DECR2: variants seen among roughly 807,000 people sequenced by gnomAD.
The protein encoded by DECR2 is 2,4-dienoyl-CoA reductase 2.
DECR2 carries 34 observed loss-of-function variants against 29.2 expected under a neutral mutation model. The observed-to-expected ratio is 1.16, with a 90% confidence interval of 0.89 to 1.55. The LOEUF is 1.55. Ranked by LOEUF, DECR2 falls within the 40% of genes most tolerant of loss-of-function variation. The probability of loss-of-function intolerance (pLI) is 0.00; values close to 1 mark genes in which losing one functional copy is unlikely to be tolerated. For missense variants in DECR2, 485 were observed against 425.3 expected (o/e 1.14, Z -1.23); for synonymous variants, 224 against 182.7 (o/e 1.23, Z -1.82).
At chr16:408,002 T>C (rs71382274) in intron 4 of DECR2, among the ~76,000 whole-genome samples, 1,521 of 6,720 alleles carry the variant, frequency 0.23, 630 homozygotes, top group South Asian at 0.42. Flanking sequence ...TCTCCGGGCC[T>C]CTGTCTCCGG....
At chr16:407,736 C>G (rs563942688) in intron 4 of DECR2, among the ~76,000 whole-genome samples, 176 bp downstream of exon 4, 1 of 150,722 alleles carries the variant, frequency 6.6e-6, no homozygotes, top group East Asian at 2.0e-4. Flanking sequence ...GGCCCCCTGT[C>G]TCCGGCCCCA....
chr16:411,115 C>T, intron 7 of DECR2, 39 bp downstream of exon 7: 1 of 1,460,688 alleles, frequency 6.8e-7, no homozygotes, highest in Non-Finnish European at 9.0e-7. Flanking sequence ...CACAGATCCT[C>T]TCCTGGGGCA....
intron 1 of DECR2, among the ~76,000 whole-genome samples, chr16:402,719 C>T (rs575276716): frequency 1.3e-5 from 2 of 151,896 alleles, no homozygotes; most frequent in South Asian, 2.1e-4. Flanking sequence ...AGCAGTGGCT[C>T]ACGCCTGTAA....
rs3743890 is a variant in DECR2 at position 406,416 on chromosome 16, T to G, written c.201+19T>G. ...GCTGACGGTGAGAGGGCCTCTCCCA[T>G]GGTCCCCTGTTCGGGTGGCTGTGGG... is the stretch of plus-strand genomic sequence containing the variant. On this transcript the variant is annotated intron_variant, in intron 3 of 8. Transcript: ENST00000219481. 769,689 of 1,605,122 alleles carry G rather than the reference T, an allele frequency of 0.48. 188,388 individuals carry two copies. Among genetic ancestry groups the G allele is most frequent in the Middle Eastern group, 0.58 (3,509 of 6,034 alleles).
Position 401,954 on chromosome 16 carries a change from C to A in DECR2, c.-10C>A, listed in dbSNP as rs768136109. On this transcript the variant is annotated 5_prime_UTR_variant, in exon 1 of 9. Coordinates refer to ENST00000219481, the MANE Select transcript of DECR2 (RefSeq NM_020664.4). ...CGCCCGTTGTCCCCGCAGTCCCCGACGGGAGCGCCATGGCCCAGCCGCCGC... is the reference window on the plus strand; with the variant it reads ...CGCCCGTTGTCCCCGCAGTCCCCGAAGGGAGCGCCATGGCCCAGCCGCCGC... 1.3e-6 allele frequency: 2 copies of A among 1,483,020 alleles called. No homozygotes were observed. Among genetic ancestry groups the A allele is most frequent in the Non-Finnish European group, 1.8e-6 (2 of 1,124,004 alleles). The allele number at this position is 1,483,020 out of a possible 1,614,324, so 91.9% of individuals were successfully genotyped here.
Position 410,261 on chromosome 16 carries a change from T to A in DECR2, c.356T>A (p.Leu119Gln), listed in dbSNP as rs772183628. ...TCTGCAGGTGCGGCCGGGAACTTCC[T>A]GTGCCCCGCTGGCGCCTTGTCCTTC... ...ILINCAAGNF[L>Q]CPAGALSFNA... The change falls in exon 5 of 9, where the codon CTG becomes CAG. Residue 119 changes from leucine to glutamine, a missense_variant. By Grantham distance (113) the Leu-to-Gln change is moderately radical. Coordinates refer to ENST00000219481, the MANE Select transcript of DECR2 (RefSeq NM_020664.4). The surrounding 1 kb of genome is among the most constrained non-coding windows in gnomAD (Gnocchi z 4.1). 6.2e-7 allele frequency: 1 copy of A among 1,613,424 alleles called. No homozygotes were observed. The highest frequency in any genetic ancestry group is 8.5e-7 in the Non-Finnish European group (1 of 1,179,772).
chr16:410,918 G>A lies in DECR2; in HGVS notation c.557-54G>A. 6.5e-7 allele frequency: 1 copy of A among 1,542,874 alleles called. No individual in the cohort carries two copies. Among genetic ancestry groups the A allele is most frequent in the Non-Finnish European group, 8.8e-7 (1 of 1,140,448 alleles). ...GGCAGCGAGACCTGGCCTTGGCCCTGCGCCCTCGCAGAGGGCAGAGCGGCC... is the reference window on the plus strand; with the variant it reads ...GGCAGCGAGACCTGGCCTTGGCCCTACGCCCTCGCAGAGGGCAGAGCGGCC... On this transcript the variant is annotated intron_variant, in intron 6 of 8. Transcript: ENST00000219481. This position sits in a 1 kb window ranked among gnomAD's most constrained non-coding sequence, Gnocchi z 4.1.
chr16:407,082 G>A lies in DECR2; in HGVS notation c.202-343G>A, dbSNP rs958317732. The A allele has an allele frequency of 6.4e-6, 7 of 1,099,802 alleles. No homozygotes were observed. In the African/African-American group the frequency reaches 1.1e-4, roughly 18 times the overall value. 68.1% of individuals were successfully genotyped at this position (1,099,802 alleles called of 1,614,324 possible). ...CTGGGCTCACCTGGGTTATTTAGGT[G>A]GTCCGTGCGTCCCACCTACTGGAGC... On this transcript the variant is annotated intron_variant, in intron 3 of 8. Coordinates refer to ENST00000219481, the MANE Select transcript of DECR2 (RefSeq NM_020664.4).
At position 410,335 on chromosome 16, in the gene DECR2, G is replaced by C; in HGVS notation, c.430G>C (p.Val144Leu). 1 of 1,612,724 alleles carries C rather than the reference G, an allele frequency of 6.2e-7. No individual in the cohort carries two copies. Among genetic ancestry groups the C allele is most frequent in the Non-Finnish European group, 8.5e-7 (1 of 1,179,330 alleles). Residue 144 changes from valine to leucine, a missense_variant, in exon 5 of 9, where the codon GTG becomes CTG. By Grantham distance (32) the Val-to-Leu change is conservative. Coordinates refer to ENST00000219481, the MANE Select transcript of DECR2 (RefSeq NM_020664.4). This position sits in a 1 kb window ranked among gnomAD's most constrained non-coding sequence, Gnocchi z 4.1. ...MDIDTSGTFN[V>L]SRVLYEKFFR... ...CATCGATACCAGCGGCACCTTCAAT[G>C]TGTCTCGTGTGCTCTATGAGAAGTT...
At position 410,615 on chromosome 16, in the gene DECR2, G is replaced by C; in HGVS notation, c.463-76G>C. The C allele has an allele frequency of 3.5e-6, 5 of 1,443,606 alleles. No homozygotes were observed. The highest frequency in any genetic ancestry group is 4.7e-6 in the Non-Finnish European group (5 of 1,052,970). 89.4% of individuals were successfully genotyped at this position (1,443,606 alleles called of 1,614,324 possible). On this transcript the variant is annotated intron_variant, in intron 5 of 8. Coordinates refer to ENST00000219481, the MANE Select transcript of DECR2 (RefSeq NM_020664.4). The surrounding 1 kb of genome is among the most constrained non-coding windows in gnomAD (Gnocchi z 4.1). Reference sequence around the variant, plus strand: ...CGCTCCCTGCCCCGGGCCTCCCCCTGACAGCCACCCGCTCACTGTCCTGTG... The same window carrying C: ...CGCTCCCTGCCCCGGGCCTCCCCCTCACAGCCACCCGCTCACTGTCCTGTG...
chr16:408,179 G>A (rs1204245842), intron 4 of DECR2, among the ~76,000 whole-genome samples: 3 of 134,070 alleles, frequency 2.2e-5, no homozygotes, highest in Non-Finnish European at 3.2e-5. Flanking sequence ...CTCTGTCTCC[G>A]GGCCTCTGTC....
chr16:408,386 C>T (rs944702422), intron 4 of DECR2, among the ~76,000 whole-genome samples: 2 of 152,034 alleles, frequency 1.3e-5, no homozygotes, highest in Non-Finnish European at 2.9e-5. Flanking sequence ...CCTCTGTCTC[C>T]GGCCTGACTC....
chr16:409,197 AG>A (rs963083643), intron 4 of DECR2, among the ~76,000 whole-genome samples: 2 of 142,264 alleles, frequency 1.4e-5, no homozygotes, highest in Non-Finnish European at 3.0e-5. Flanking sequence ...TTTTTGAGAG[AG>A]TCTTGCTGTG....
At chr16:404,549 T>C (rs2054702897) in intron 1 of DECR2, among the ~76,000 whole-genome samples, 1 of 152,148 alleles carries the variant, frequency 6.6e-6, no homozygotes, top group Non-Finnish European at 1.5e-5. Context: ...CGAATTTTCA[T>C]TTTAAATCAT....
In DECR2 at chr16:406,723, T is replaced by C. The variant is rs148331706; in HGVS notation, c.201+326T>C. The C allele has an allele frequency of 2.2e-3, 1,325 of 601,052 alleles. 56 individuals carry two copies. The East Asian group carries it at 0.069, about 32-fold the overall frequency. The allele number at this position is 601,052 out of a possible 1,614,324, so 37.2% of individuals were successfully genotyped here. On this transcript the variant is annotated intron_variant, in intron 3 of 8. Coordinates refer to ENST00000219481, the MANE Select transcript of DECR2 (RefSeq NM_020664.4). Reference sequence around the variant, plus strand: ...CCACGTTGACCAGGCTGGTCTCGAATTCCTGACCTCAGGTGATCCGCCCAC... The same window carrying C: ...CCACGTTGACCAGGCTGGTCTCGAACTCCTGACCTCAGGTGATCCGCCCAC...
chr16:405,431 C>A, intron 2 of DECR2: 1 of 937,942 alleles, frequency 1.1e-6, no homozygotes, highest in African/African-American at 1.7e-5. Context: ...CCTCAGTTCC[C>A]CTGAGGCCCC....
chr16:405,288 C>G (rs1031370617), intron 2 of DECR2: 3 of 589,122 alleles, frequency 5.1e-6, no homozygotes, highest in Non-Finnish European at 8.9e-6. Context: ...AGGGCTGTGT[C>G]GGGCCCCAGT....
Position 411,015 on chromosome 16 carries a change from C to T in DECR2, c.600C>T (p.Asn200=). 1.9e-6 allele frequency: 3 copies of T among 1,602,508 alleles called. No individual in the cohort carries two copies. Among genetic ancestry groups the T allele is most frequent in the Non-Finnish European group, 2.6e-6 (3 of 1,175,222 alleles). Reference sequence around the variant, plus strand: ...TGGCTGTGGAGTGGGGTCCCCAAAACATCCGCGTCAACAGCCTCGCCCCTG... The same window carrying T: ...TGGCTGTGGAGTGGGGTCCCCAAAATATCCGCGTCAACAGCCTCGCCCCTG... The part of the protein sequence containing the change: ...RHLAVEWGPQ[N]IRVNSLAPGP... The change falls in exon 7 of 9, where the codon AAC becomes AAT. Residue 200 remains asparagine, a synonymous_variant. Coordinates refer to ENST00000219481, the MANE Select transcript of DECR2 (RefSeq NM_020664.4).
chr16:411,561 T>C lies in DECR2; in HGVS notation c.862T>C (p.Phe288Leu). The change falls in exon 8 of 9, where the codon TTC becomes CTC. Residue 288 changes from phenylalanine to leucine, a missense_variant. Coordinates refer to ENST00000219481, the MANE Select transcript of DECR2 (RefSeq NM_020664.4). ...CAAAGGGCTGCCGGATTTCGCATCC[T>C]TCTCTGCTAAGCTCTAGGTGAGGTA... The part of the protein sequence containing the change: ...GVKGLPDFAS[F>L]SAKL The C allele has an allele frequency of 1.2e-6, 2 of 1,613,098 alleles. No individual in the cohort carries two copies. The highest frequency in any genetic ancestry group is 2.2e-5 in the East Asian group (1 of 44,872).
Sources: allele counts gnomAD v4.1 joint callset (sites outside exome capture counted in the v4.1 genomes callset), GRCh38; gene constraint gnomAD v4.1.1; non-coding constraint Gnocchi (gnomAD v3.1); transcripts MANE v1.5; gene names NCBI Gene and HGNC (gene_info 2026-07-23, HGNC 2026-07-21).